Variants in MED12L observed in about 807,000 individuals in gnomAD.
MED12L encodes mediator of RNA polymerase II transcription subunit 12-like protein.
Under a neutral mutation model 281.3 loss-of-function variants are expected in MED12L, and 60 were observed. That is an observed-to-expected ratio of 0.21 (90% confidence interval 0.17 to 0.26). The LOEUF is 0.26. Among genes scored for constraint, MED12L ranks in the 10% least tolerant of loss-of-function variants. The pLI, the probability that MED12L is intolerant of heterozygous loss-of-function variation, is 1.00. For synonymous variants in MED12L, 974 were observed against 987.2 expected, an observed-to-expected ratio of 0.99 and a Z score of 0.25; for missense variants, 2,146 against 2,680.9, an observed-to-expected ratio of 0.80 and a Z score of 4.41.
At chr3:151,356,315 C>T (rs1422024568) in intron 19 of MED12L, among the ~76,000 whole-genome samples, 4 of 151,904 alleles carry the variant, frequency 2.6e-5, no homozygotes, top group African/African-American at 9.7e-5. Flanking sequence ...TCACTTAAGC[C>T]CAGGAGGTCA....
At chr3:151,428,594 T>C (rs756148065) in intron 43 of MED12L, among the ~76,000 whole-genome samples, 1 of 152,200 alleles carries the variant, frequency 6.6e-6, no homozygotes, top group Non-Finnish European at 1.5e-5. Flanking sequence ...TCAGTAGGTA[T>C]GCCAAGCCCT....
rs75948219 is a variant in MED12L at position 151,199,522 on chromosome 3, G to A, written c.2250+5856G>A. 1.9e-3 allele frequency: 1,370 copies of A among 715,054 alleles called. 11 individuals carry two copies. The African/African-American group carries it at 0.022, about 11-fold the overall frequency. 44.3% of individuals were successfully genotyped at this position (715,054 alleles called of 1,614,324 possible). A position where few individuals can be genotyped will look rare whatever the true frequency, so the allele number is the denominator to read the frequency against. On this transcript the variant is annotated intron_variant, in intron 16 of 44. Transcript: ENST00000687756. ...AAAAGACATTGGTCTTCACAATACC[G>A]TTGTCTTTCCAGTTCTTAGAATTTT... is the stretch of plus-strand genomic sequence containing the variant.
intron 43 of MED12L, among the ~76,000 whole-genome samples, chr3:151,421,115 C>CTGA (rs1226366435): frequency 2.4e-4 from 37 of 152,110 alleles, no homozygotes; most frequent in Non-Finnish European, 3.2e-4. Flanking sequence ...TGAGCCTGTG[C>CTGA]GTAACCTCCA....
intron 2 of MED12L, among the ~76,000 whole-genome samples, chr3:151,110,760 T>TTGTG (rs147753454): frequency 6.7e-6 from 1 of 150,262 alleles, no homozygotes; most frequent in Non-Finnish European, 1.5e-5. Context: ...GTATGTATGT[T>TTGTG]TGTGTGTGTG....
chr3:151,217,724 C>T (rs1260062198), intron 16 of MED12L, among the ~76,000 whole-genome samples: 1 of 152,116 alleles, frequency 6.6e-6, no homozygotes, highest in Non-Finnish European at 1.5e-5. Context: ...TCTAAAGGAA[C>T]AAGCTAAAGA....
Position 151,118,198 on chromosome 3 carries a change from T to G in MED12L, c.204+1756T>G, listed in dbSNP as rs74985725. 6.5e-3 allele frequency among the ~76,000 whole-genome samples: 996 copies of G among 152,264 alleles called. 5 individuals are homozygous for G. Among genetic ancestry groups the G allele is most frequent in the Middle Eastern group, 0.014 (4 of 294 alleles). On this transcript the variant is annotated intron_variant, in intron 3 of 44. Coordinates refer to ENST00000687756, the MANE Select transcript of MED12L (RefSeq NM_001393769.1). ...TTTGAGTTGGATGTTAAAATACTTT[T>G]GTGAAATTAAAAACACACATACAAA...
At chr3:151,193,795 C>A in intron 16 of MED12L, 129 bp downstream of exon 16, 1 of 760,518 alleles carries the variant, frequency 1.3e-6, no homozygotes, top group Non-Finnish European at 2.1e-6. Flanking sequence ...GCATTTGCTC[C>A]TGCTTCTGTT....
chr3:151,165,715 T>C (rs189274319), intron 10 of MED12L, 131 bp from the exon 11 acceptor site: 2 of 1,064,438 alleles, frequency 1.9e-6, no homozygotes, highest in African/African-American at 3.1e-5. Context: ...TTGATGATTG[T>C]TTGATAACAT....
At chr3:151,206,194 G>A (rs185239137) in intron 16 of MED12L, among the ~76,000 whole-genome samples, 3 of 150,854 alleles carry the variant, frequency 2.0e-5, no homozygotes, top group East Asian at 1.9e-4. Context: ...ATTAAGCAGT[G>A]TAGTTTTAAA....
chr3:151,387,984 C>A lies in MED12L; in HGVS notation c.5263C>A (p.Pro1755Thr). 4 of 1,614,072 alleles carry A rather than the reference C, an allele frequency of 2.5e-6. No homozygotes were observed. The highest frequency in any genetic ancestry group is 3.4e-6 in the Non-Finnish European group (4 of 1,180,010). ...GTATCACACACACCCCATGCCCAAG[C>A]CCCGCAGTTACTACCTCCAGCCACT... ...LLYHTHPMPKPRSYYLQPLPL... is the reference protein window; with the variant it reads ...LLYHTHPMPKTRSYYLQPLPL... The change falls in exon 37 of 45, where the codon CCC becomes ACC. Residue 1755 changes from proline to threonine, a missense_variant. Around this residue, in one of 9 missense-constraint regions of MED12L, gnomAD observed 496 missense variants for 512.0 expected, o/e 0.97. Coordinates refer to ENST00000687756, the MANE Select transcript of MED12L (RefSeq NM_001393769.1).
rs1326096653 is a variant in MED12L at position 151,192,611 on chromosome 3, T to C, written c.2030T>C (p.Val677Ala). Residue 677 changes from valine (V) to alanine (A), a missense_variant, in exon 15 of 45, where the codon GTA (valine) becomes GCA (alanine). Transcript: ENST00000687756. Reference protein sequence around the residue: ...DSGTTNIFDEVDKSDFKTDFG... With the variant: ...DSGTTNIFDEADKSDFKTDFG... ...GGAACCACTAACATTTTTGATGAAG[T>C]AGACAAGAGTGACTTTAAAACTGAC... 3 of 1,536,368 alleles carry C rather than the reference T, an allele frequency of 2.0e-6. No individual in the cohort carries two copies. The highest frequency in any genetic ancestry group is 2.6e-6 in the Non-Finnish European group (3 of 1,146,842).
intron 5 of MED12L, among the ~76,000 whole-genome samples, chr3:151,141,740 A>C (rs1295060769): frequency 6.6e-6 from 1 of 152,182 alleles, no homozygotes; most frequent in African/African-American, 2.4e-5. Context: ...TTGGCAACTT[A>C]TGAGCAAATG....
rs376411623 is a variant in MED12L, at chr3:151,367,727, G to A, written c.3409G>A (p.Val1137Ile). 2.2e-5 allele frequency: 35 copies of A among 1,611,130 alleles called. No individual in the cohort carries two copies. The highest frequency in any genetic ancestry group is 3.0e-5 in the Non-Finnish European group (35 of 1,178,058). The change falls in exon 24 of 45, where the codon GTC becomes ATC. Residue 1137 changes from valine to isoleucine, a missense_variant. Physicochemically the swap from Val to Ile is conservative, Grantham distance 29. This residue lies in a region of MED12L where 404 missense variants were observed against 603.5 expected (regional missense o/e 0.67). Coordinates refer to ENST00000687756, the MANE Select transcript of MED12L (RefSeq NM_001393769.1). Reference sequence around the variant, plus strand: ...ACGACAGTGTTTTTCCCTGGAGGACGTCGTGCAGCATGTCGCACTTCCCTC... The same window carrying A: ...ACGACAGTGTTTTTCCCTGGAGGACATCGTGCAGCATGTCGCACTTCCCTC... ...IARQCFSLED[V>I]VQHVALPSLL...
chr3:151,108,186 G>A (rs939547087), intron 2 of MED12L, among the ~76,000 whole-genome samples: 11 of 149,284 alleles, frequency 7.4e-5, no homozygotes, highest in Non-Finnish European at 1.5e-4. Context: ...AAATGTGTGC[G>A]GAGCAGTAGC....
At chr3:151,198,565 A>G in intron 16 of MED12L, 1 of 1,614,058 alleles carries the variant, frequency 6.2e-7, no homozygotes. Context: ...GGTTCGACAC[A>G]GCCAGGAGCA....
At chr3:151,086,213 A>G (rs1173282322) in intron 1 of MED12L, among the ~76,000 whole-genome samples, 2 of 152,118 alleles carry the variant, frequency 1.3e-5, no homozygotes, top group African/African-American at 4.8e-5. Context: ...CGGATGCGCC[A>G]CTGGAACCTG....
chr3:151,291,126 C>T (rs559562663), intron 16 of MED12L, among the ~76,000 whole-genome samples: 2 of 146,050 alleles, frequency 1.4e-5, no homozygotes, highest in African/African-American at 5.0e-5. Context: ...ATGGTTCCTA[C>T]GCTTTATTTT....
At chr3:151,156,017 G>A in intron 5 of MED12L, 144 bp from the exon 6 acceptor site, 1 of 668,604 alleles carries the variant, frequency 1.5e-6, no homozygotes, top group South Asian at 2.4e-5. Flanking sequence ...TCTGAGCACT[G>A]CTTGTACAGG....
chr3:151,101,856 C>T (rs972229087), intron 2 of MED12L, among the ~76,000 whole-genome samples: 13 of 152,020 alleles, frequency 8.6e-5, no homozygotes, highest in African/African-American at 2.9e-4. Context: ...AAAAAGAGCC[C>T]GACTGATCAG....
Sources: allele counts gnomAD v4.1 joint callset (sites outside exome capture counted in the v4.1 genomes callset), GRCh38; gene constraint gnomAD v4.1.1; regional missense constraint gnomAD v4.1.1; transcripts MANE v1.5; gene names NCBI Gene and HGNC (gene_info 2026-07-23, HGNC 2026-07-21).